STXBP5: variants seen among roughly 807,000 people sequenced by gnomAD.
STXBP5 encodes syntaxin-binding protein 5.
STXBP5 carries 50 observed loss-of-function variants against 152.4 expected under a neutral mutation model. The observed-to-expected ratio is 0.33, with a 90% CI of 0.26 to 0.42. The LOEUF is 0.42. Among genes scored for constraint, STXBP5 ranks in the 10% least tolerant of loss-of-function variants. The pLI is 1.00. For synonymous variants in STXBP5, 492 were observed against 494.7 expected (o/e 0.99, Z 0.07); for missense variants, 1,167 against 1,388.6 (o/e 0.84, Z 2.54).
chr6:147,313,261 A>C (rs1782474666), intron 11 of STXBP5, among the ~76,000 whole-genome samples: 1 of 152,176 alleles, frequency 6.6e-6, no homozygotes, highest in Non-Finnish European at 1.5e-5. Flanking sequence ...GACTATTCTC[A>C]TTCTAAGGAC....
At chr6:147,297,895 G>C (rs1028945671) in intron 9 of STXBP5, among the ~76,000 whole-genome samples, 2 of 149,406 alleles carry the variant, frequency 1.3e-5, no homozygotes, top group Admixed American at 6.7e-5. Context: ...TCAAAACTTA[G>C]TACCATAGAA....
At chr6:147,223,137 C>T (rs949715672) in intron 2 of STXBP5, among the ~76,000 whole-genome samples, 1 of 152,182 alleles carries the variant, frequency 6.6e-6, no homozygotes, top group Non-Finnish European at 1.5e-5. Flanking sequence ...TTACACACTA[C>T]ACTGGAAAAG....
chr6:147,299,504 C>G (rs189724830), intron 9 of STXBP5, among the ~76,000 whole-genome samples: 1 of 151,874 alleles, frequency 6.6e-6, no homozygotes, highest in Non-Finnish European at 1.5e-5. Context: ...ACTCATTATA[C>G]GAAACCAGCA....
In STXBP5 at chr6:147,205,371, C is replaced by CATATATATAT. The variant is rs66619063; in HGVS notation, c.151-582_151-573dup. Among the ~76,000 whole-genome samples, 872 of 141,842 alleles carry CATATATATAT rather than the reference C, an allele frequency of 6.1e-3. 9 individuals are homozygous for CATATATATAT. Among genetic ancestry groups the CATATATATAT allele is most frequent in the African/African-American group, 0.013 (498 of 38,262 alleles). The allele number at this position is 141,842 out of a possible 152,430, so 93.1% of individuals were successfully genotyped here. A position where few individuals can be genotyped will look rare whatever the true frequency, so the allele number is the denominator to read the frequency against. On this transcript the variant is annotated intron_variant, in intron 1 of 27. Transcript: ENST00000321680. Reference sequence around the variant, plus strand: ...TATGTCAGAGTTAATTAAAAGTGTGCATATATATATATATATATATATATA... The same window carrying CATATATATAT: ...TATGTCAGAGTTAATTAAAAGTGTGCATATATATATATATATATATATATATATATATATA...
At chr6:147,382,611 A>G (rs1382255862) in intron 26 of STXBP5, among the ~76,000 whole-genome samples, 167 bp from the exon 27 acceptor site, 1 of 152,148 alleles carries the variant, frequency 6.6e-6, no homozygotes, top group East Asian at 1.9e-4. Flanking sequence ...AAAAATTATT[A>G]AACCAATCAT....
intron 5 of STXBP5, among the ~76,000 whole-genome samples, chr6:147,260,950 A>G (rs1224283817): frequency 6.6e-6 from 1 of 152,154 alleles, no homozygotes; most frequent in Non-Finnish European, 1.5e-5. Context: ...ATGTATATAG[A>G]GATATATGCA....
chr6:147,352,428 G>C (rs1784630347), intron 21 of STXBP5, among the ~76,000 whole-genome samples: 1 of 152,124 alleles, frequency 6.6e-6, no homozygotes, highest in South Asian at 2.1e-4. Flanking sequence ...TTGAGGTCAG[G>C]AGTGAAACCC....
Position 147,382,488 on chromosome 6 carries a change from C to CAAATAA in STXBP5, c.3194-290_3194-289insAAATAA, listed in dbSNP as rs1786137468. ...CCATTATGTAATTGGTAACAATATA[C>CAAATAA]CTTTATTTGTTTCATTAAATATTTA... On this transcript the variant is annotated intron_variant, in intron 26 of 27. Transcript: ENST00000321680. Among the ~76,000 whole-genome samples, 3 of 151,966 alleles carry CAAATAA rather than the reference C, an allele frequency of 2.0e-5. No homozygotes were observed. The South Asian group carries it at 6.2e-4, about 32-fold the overall frequency.
intron 25 of STXBP5, among the ~76,000 whole-genome samples, chr6:147,373,294 G>A (rs961594726): frequency 6.8e-6 from 1 of 146,364 alleles, no homozygotes; most frequent in African/African-American, 2.5e-5. Context: ...GAACCCCAGA[G>A]GCAGAAGCTG....
rs575125121 is a variant in STXBP5, at chr6:147,349,521, A to T, written c.2255-3802A>T. Among the ~76,000 whole-genome samples the T allele has an allele frequency of 1.4e-4, 22 of 152,326 alleles. No homozygotes were observed. The South Asian group carries it at 4.4e-3, about 30-fold the overall frequency. On this transcript the variant is annotated intron_variant, in intron 21 of 27. Coordinates refer to ENST00000321680, the MANE Select transcript of STXBP5 (RefSeq NM_001127715.4). Reference sequence around the variant, plus strand: ...AAAGAAAATATACTGTTAACCAAAAAAGAAATGTTTGGGGAACATCTTGTT... The same window carrying T: ...AAAGAAAATATACTGTTAACCAAAATAGAAATGTTTGGGGAACATCTTGTT...
chr6:147,250,501 G>A (rs1376953697), intron 4 of STXBP5, among the ~76,000 whole-genome samples: 1 of 152,104 alleles, frequency 6.6e-6, no homozygotes, highest in Non-Finnish European at 1.5e-5. Context: ...GAAGATTTGT[G>A]TAGGTTATAT....
At chr6:147,247,168 A>G (rs1778850196) in intron 4 of STXBP5, among the ~76,000 whole-genome samples, 3 of 152,256 alleles carry the variant, frequency 2.0e-5, no homozygotes, top group Non-Finnish European at 4.4e-5. Context: ...CTAATTGCAC[A>G]TGTTGAACAA....
intron 25 of STXBP5, among the ~76,000 whole-genome samples, chr6:147,368,259 A>T (rs200838222): frequency 2.7e-5 from 1 of 37,210 alleles, no homozygotes; most frequent in Admixed American, 3.2e-4. Context: ...AAAATTTGTT[A>T]AAAAAAAAAA....
intron 7 of STXBP5, 32 bp downstream of exon 7, chr6:147,267,199 T>G: frequency 6.5e-7 from 1 of 1,534,530 alleles, no homozygotes; most frequent in Non-Finnish European, 8.8e-7. Context: ...AAAGCTATGG[T>G]CATTTCTCTC....
chr6:147,376,997 A>G (rs1785842097), intron 26 of STXBP5, among the ~76,000 whole-genome samples: 1 of 152,156 alleles, frequency 6.6e-6, no homozygotes, highest in African/African-American at 2.4e-5. Flanking sequence ...GAATGTACCT[A>G]CTATTTTGAC....
At chr6:147,353,923 T>G (rs895279395) in intron 22 of STXBP5, among the ~76,000 whole-genome samples, 6 of 152,194 alleles carry the variant, frequency 3.9e-5, no homozygotes, top group African/African-American at 1.2e-4. Flanking sequence ...TTTTGCTTTA[T>G]ATCTAACCCA....
chr6:147,341,308 A>G lies in STXBP5; in HGVS notation c.2254+1924A>G, dbSNP rs9497754. 7.7e-3 allele frequency among the ~76,000 whole-genome samples: 1,177 copies of G among 152,284 alleles called. 19 individuals are homozygous for G. The highest frequency in any genetic ancestry group is 0.026 in the African/African-American group (1,080 of 41,562). Reference sequence around the variant, plus strand: ...TCAATGAAACATTGGAAAAAAACTCATAGATCTTCTGAGGACCTCCCTGTC... The same window carrying G: ...TCAATGAAACATTGGAAAAAAACTCGTAGATCTTCTGAGGACCTCCCTGTC... On this transcript the variant is annotated intron_variant, in intron 21 of 27. Coordinates refer to ENST00000321680, the MANE Select transcript of STXBP5 (RefSeq NM_001127715.4).
At chr6:147,220,823 ATCTG>A (rs1478732831) in intron 2 of STXBP5, among the ~76,000 whole-genome samples, 4 of 152,128 alleles carry the variant, frequency 2.6e-5, no homozygotes, top group Non-Finnish European at 5.9e-5. Flanking sequence ...CACTTTGACA[ATCTG>A]TCTTTTAATT....
At chr6:147,309,437 T>G (rs1782257283) in intron 9 of STXBP5, among the ~76,000 whole-genome samples, 1 of 152,098 alleles carries the variant, frequency 6.6e-6, no homozygotes, top group Non-Finnish European at 1.5e-5. Context: ...AAAATGAGTC[T>G]AGATAAATAA....
Sources: gnomAD v4.1 joint callset for allele counts (sites outside exome capture counted in the v4.1 genomes callset) on GRCh38, gnomAD v4.1.1 for gene constraint, MANE v1.5 for transcripts, NCBI Gene and HGNC (gene_info 2026-07-23, HGNC 2026-07-21) for gene names.